CCR9: variants seen among roughly 807,000 people sequenced by gnomAD.
CCR9 encodes the protein C-C chemokine receptor type 9.
In CCR9, 4 loss-of-function variants were observed where a neutral mutation model predicts 8.7. The ratio of observed to expected loss-of-function variants is 0.46; its 90% CI spans 0.23 to 1.06. The LOEUF (loss-of-function observed/expected upper bound fraction) is 1.06, where lower values mean the gene tolerates loss of function less well. CCR9 is among the 50% of genes least tolerant of loss of function. The pLI, the probability that CCR9 is intolerant of heterozygous loss-of-function variation, is 0.21. For synonymous variants in CCR9, 159 were observed against 168.8 expected (o/e 0.94, Z 0.45); for missense variants, 394 against 453.6 (o/e 0.87, Z 1.19).
intron 2 of CCR9, among the ~76,000 whole-genome samples, chr3:45,898,568 C>T (rs1345034516): frequency 6.6e-6 from 1 of 152,224 alleles, no homozygotes; most frequent in Non-Finnish European, 1.5e-5. Context: ...CCTCTCTTTG[C>T]AATAGGATTT....
chr3:45,886,939 G>T (rs138055048), intron 1 of CCR9, among the ~76,000 whole-genome samples: 1 of 152,316 alleles, frequency 6.6e-6, no homozygotes, highest in East Asian at 1.9e-4. Flanking sequence ...AGAAGCAGGT[G>T]CTGGGGGACA....
intron 2 of CCR9, among the ~76,000 whole-genome samples, chr3:45,896,671 A>C (rs983057725): frequency 6.6e-6 from 1 of 152,198 alleles, no homozygotes; most frequent in Non-Finnish European, 1.5e-5. Context: ...AAAGCACTGA[A>C]ATCCAGGTCT....
intron 2 of CCR9, 79 bp downstream of exon 2, chr3:45,895,033 T>C (rs1310545878): frequency 7.2e-7 from 1 of 1,391,306 alleles, no homozygotes; most frequent in Non-Finnish European, 1.0e-6. Flanking sequence ...AAGGATCCAC[T>C]GTGGGGGAAG....
chr3:45,901,850 G>A lies in CCR9; in HGVS notation c.1062G>A (p.Lys354=), dbSNP rs777133518. Residue 354 remains lysine (K), a synonymous_variant, in exon 3 of 3, where the codon AAG becomes AAA. Transcript: ENST00000357632. This position sits in a 1 kb window ranked among gnomAD's most constrained non-coding sequence, Gnocchi z 4.3. Reference sequence around the variant, plus strand: ...TTACAAGGAGAGAGGGAAGCTTGAAGCTGTCGTCTATGTTGCTGGAGACAA... The same window carrying A: ...TTACAAGGAGAGAGGGAAGCTTGAAACTGTCGTCTATGTTGCTGGAGACAA... The part of the protein sequence containing the change: ...VSFTRREGSL[K]LSSMLLETTS... 1 of 1,611,912 alleles carries A rather than the reference G, an allele frequency of 6.2e-7. No individual in the cohort carries two copies. Among genetic ancestry groups the A allele is most frequent in the Non-Finnish European group, 8.5e-7 (1 of 1,178,098 alleles).
At chr3:45,895,035 T>C (rs1702309256) in intron 2 of CCR9, 81 bp downstream of exon 2, 2 of 1,375,290 alleles carry the variant, frequency 1.5e-6, no homozygotes, top group Admixed American at 1.7e-5. Context: ...GGATCCACTG[T>C]GGGGGAAGGA....
At chr3:45,897,247 G>T (rs905565854) in intron 2 of CCR9, among the ~76,000 whole-genome samples, 1 of 152,186 alleles carries the variant, frequency 6.6e-6, no homozygotes, top group Non-Finnish European at 1.5e-5. Flanking sequence ...AGGGGGTGTT[G>T]TTCCAGGATT....
chr3:45,896,357 T>C (rs1702355072), intron 2 of CCR9, among the ~76,000 whole-genome samples: 1 of 151,926 alleles, frequency 6.6e-6, no homozygotes, highest in Non-Finnish European at 1.5e-5. Flanking sequence ...GTCAGAGGAG[T>C]CTGGCGCCAT....
chr3:45,894,921 T>C lies in CCR9; in HGVS notation c.-13T>C. 2 of 1,614,038 alleles carry C rather than the reference T, an allele frequency of 1.2e-6. No individual in the cohort carries two copies. Among genetic ancestry groups the C allele is most frequent in the Non-Finnish European group, 1.7e-6 (2 of 1,179,884 alleles). ...CCTTTTCCAGGAGCAGGCTTGCATC[T>C]GACTGACCCACCATGACACCCACAG... On this transcript the variant is annotated 5_prime_UTR_variant, in exon 2 of 3. Transcript: ENST00000357632.
At chr3:45,895,701 G>A (rs1702331952) in intron 2 of CCR9, among the ~76,000 whole-genome samples, 1 of 149,666 alleles carries the variant, frequency 6.7e-6, no homozygotes, top group Non-Finnish European at 1.5e-5. Context: ...GCAACAGAGC[G>A]AGACTCTGTC....
At chr3:45,890,312 T>TAAATATATATATAAC (rs1702124812) in intron 1 of CCR9, among the ~76,000 whole-genome samples, 2 of 61,982 alleles carry the variant, frequency 3.2e-5, no homozygotes, top group African/African-American at 1.7e-4. Flanking sequence ...AACATATATA[T>TAAATATATATATAAC]ATATTTATAT....
chr3:45,897,518 G>A (rs1159159516), intron 2 of CCR9: 2 of 1,345,306 alleles, frequency 1.5e-6, no homozygotes, highest in Non-Finnish European at 2.1e-6. Flanking sequence ...GGTCACCCAG[G>A]TCCTGGGATT....
rs1702552319 is a variant in CCR9 at position 45,901,396 on chromosome 3, C to G, written c.608C>G (p.Pro203Arg). ...ATTGCTATCTGCACCATGGTTTACC[C>G]TAGCGATGAGAGCACCAAACTGAAG... ...SGIAICTMVY[P>R]SDESTKLKSA... The change falls in exon 3 of 3, where the codon CCT becomes CGT. Residue 203 changes from proline (P) to arginine (R), a missense_variant. Physicochemically the swap from Pro to Arg is moderately radical, Grantham distance 103. Coordinates refer to ENST00000357632, the MANE Select transcript of CCR9 (RefSeq NM_031200.3). The surrounding 1 kb of genome is among the most constrained non-coding windows in gnomAD (Gnocchi z 4.3). The G allele has an allele frequency of 6.2e-7, 1 of 1,614,194 alleles. No homozygotes were observed. Among genetic ancestry groups the G allele is most frequent in the Non-Finnish European group, 8.5e-7 (1 of 1,180,030 alleles).
intron 1 of CCR9, among the ~76,000 whole-genome samples, chr3:45,887,525 G>A (rs938721405): frequency 1.3e-5 from 2 of 152,180 alleles, no homozygotes; most frequent in South Asian, 2.1e-4. Flanking sequence ...TGAATTAGCT[G>A]TTACTCCATA....
rs1559421352 is a variant in CCR9 at position 45,890,273 on chromosome 3, T to TAAATATATATAAC, written c.-29+3619_-29+3620insAATATATATAACA. 1.8e-3 allele frequency among the ~76,000 whole-genome samples: 37 copies of TAAATATATATAAC among 20,894 alleles called. 9 individuals are homozygous for TAAATATATATAAC. The South Asian group carries it at 0.042, about 24-fold the overall frequency. The allele number at this position is 20,894 out of a possible 152,430, so 13.7% of individuals were successfully genotyped here. ...GGGTATTAGAAATATATATATAACA[T>TAAATATATATAAC]ATATATATATTTATATAAATATATA... On this transcript the variant is annotated intron_variant, in intron 1 of 2. Coordinates refer to ENST00000357632, the MANE Select transcript of CCR9 (RefSeq NM_031200.3).
Position 45,894,924 on chromosome 3 carries a change from C to G in CCR9, c.-10C>G. On this transcript the variant is annotated 5_prime_UTR_variant, in exon 2 of 3. Transcript: ENST00000357632. ...TTTCCAGGAGCAGGCTTGCATCTGACTGACCCACCATGACACCCACAGACT... is the reference window on the plus strand; with the variant it reads ...TTTCCAGGAGCAGGCTTGCATCTGAGTGACCCACCATGACACCCACAGACT... 2 of 1,614,012 alleles carry G rather than the reference C, an allele frequency of 1.2e-6. No individual in the cohort carries two copies. The highest frequency in any genetic ancestry group is 1.7e-6 in the Non-Finnish European group (2 of 1,179,876).
intron 1 of CCR9, among the ~76,000 whole-genome samples, chr3:45,889,775 A>C (rs1243736837): frequency 1.3e-5 from 2 of 151,872 alleles, no homozygotes; most frequent in East Asian, 3.9e-4. Flanking sequence ...TTCTATCAGC[A>C]TGAGGACCAT....
chr3:45,887,390 T>C (rs918668657), intron 1 of CCR9, among the ~76,000 whole-genome samples: 3 of 152,164 alleles, frequency 2.0e-5, no homozygotes, highest in Non-Finnish European at 4.4e-5. Context: ...ATGTTGGCAT[T>C]TTGGGGATTT....
intron 1 of CCR9, among the ~76,000 whole-genome samples, chr3:45,893,237 C>T (rs1249186830): frequency 6.6e-6 from 1 of 151,918 alleles, no homozygotes; most frequent in Non-Finnish European, 1.5e-5. Context: ...TCACTGCAAC[C>T]TCTGCCTCCC....
chr3:45,898,533 G>A (rs986493471), intron 2 of CCR9, among the ~76,000 whole-genome samples: 6 of 152,180 alleles, frequency 3.9e-5, no homozygotes, highest in Non-Finnish European at 7.3e-5. Flanking sequence ...CTGAAGAGCC[G>A]CCTCCAGGAT....
Sources: allele counts gnomAD v4.1 joint callset (sites outside exome capture counted in the v4.1 genomes callset), GRCh38; gene constraint gnomAD v4.1.1; non-coding constraint Gnocchi (gnomAD v3.1); transcripts MANE v1.5; gene names NCBI Gene and HGNC (gene_info 2026-07-23, HGNC 2026-07-21).